The following ITPR2 variants were observed in gnomAD, a reference collection of about 807,000 sequenced individuals.
ITPR2 encodes the protein inositol 1,4,5-trisphosphate-gated calcium channel ITPR2.
ITPR2 carries 207 observed loss-of-function variants against 317.1 expected under a neutral mutation model. The ratio of observed to expected loss-of-function variants is 0.65; its 90% CI spans 0.58 to 0.73. The LOEUF (loss-of-function observed/expected upper bound fraction) is 0.73, where lower values mean the gene tolerates loss of function less well. ITPR2 is among the 30% of genes least tolerant of loss of function. ITPR2 has a pLI of 0.00. For synonymous variants in ITPR2, 1,156 were observed against 1,149.1 expected (o/e 1.01, Z -0.12); for missense variants, 2,613 against 3,284.0 (o/e 0.80, Z 4.99).
intron 47 of ITPR2, among the ~76,000 whole-genome samples, chr12:26,436,584 G>A (rs1243323627): frequency 6.6e-6 from 1 of 152,144 alleles, no homozygotes; most frequent in African/African-American, 2.4e-5. Flanking sequence ...ACTGTAGAAG[G>A]GTGAGGAATT....
intron 10 of ITPR2, among the ~76,000 whole-genome samples, chr12:26,694,172 A>C (rs1364690666): frequency 1.3e-5 from 2 of 152,226 alleles, no homozygotes; most frequent in Non-Finnish European, 2.9e-5. Context: ...AATTTCACAG[A>C]ATGTCATCAG....
At chr12:26,589,851 TATAC>T (rs1451626254) in intron 32 of ITPR2, among the ~76,000 whole-genome samples, 10 of 49,306 alleles carry the variant, frequency 2.0e-4, no homozygotes, top group African/African-American at 6.3e-4. Context: ...TATATATATA[TATAC>T]ACACACACAC....
At chr12:26,446,353 T>C (rs983490996) in intron 45 of ITPR2, among the ~76,000 whole-genome samples, 1 of 152,120 alleles carries the variant, frequency 6.6e-6, no homozygotes, top group Non-Finnish European at 1.5e-5. Flanking sequence ...TACGTAGTTT[T>C]GTTGGGTAAG....
At chr12:26,449,269 A>C (rs1941683016) in intron 45 of ITPR2, among the ~76,000 whole-genome samples, 1 of 152,206 alleles carries the variant, frequency 6.6e-6, no homozygotes, top group South Asian at 2.1e-4. Context: ...CAATTGTATT[A>C]CAATACAATG....
intron 54 of ITPR2, among the ~76,000 whole-genome samples, chr12:26,395,275 G>A (rs1193571540): frequency 6.6e-6 from 1 of 152,056 alleles, no homozygotes; most frequent in Non-Finnish European, 1.5e-5. Context: ...GAGAATAAAA[G>A]GTCAGCGGGA....
At chr12:26,711,316 TG>T (rs1454688189) in intron 8 of ITPR2, 48 bp from the exon 9 acceptor site, 3 of 1,328,608 alleles carry the variant, frequency 2.3e-6, no homozygotes, top group African/African-American at 2.9e-5. Flanking sequence ...TTTATGTTCC[TG>T]GCAAGCAAAC....
At chr12:26,709,632 A>G (rs555392392) in intron 9 of ITPR2, among the ~76,000 whole-genome samples, 2 of 152,362 alleles carry the variant, frequency 1.3e-5, no homozygotes, top group South Asian at 4.1e-4. Flanking sequence ...CATGTACATC[A>G]TGTCAGTTTT....
At chr12:26,772,477 T>TATAA (rs1555189230) in intron 2 of ITPR2, among the ~76,000 whole-genome samples, 1 of 81,876 alleles carries the variant, frequency 1.2e-5, no homozygotes, top group African/African-American at 3.3e-5. Flanking sequence ...GTATTATATA[T>TATAA]AATATATATA....
intron 45 of ITPR2, among the ~76,000 whole-genome samples, chr12:26,455,311 GTC>G (rs1235001934): frequency 7.8e-6 from 1 of 128,468 alleles, no homozygotes; most frequent in East Asian, 2.4e-4. Flanking sequence ...TGCCATTGCT[GTC>G]TCTCTGTTTA....
rs538774904 is a variant in ITPR2 at position 26,710,122 on chromosome 12, TA to T, written c.951+1050del. ...GGTGGTGTGAACCTGTAGTCCCAGC[TA>T]CTCAGGAGGCTGAAGCAAGAGGATT... On this transcript the variant is annotated intron_variant, in intron 9 of 56. Transcript: ENST00000381340. Among the ~76,000 whole-genome samples the T allele has an allele frequency of 2.6e-3, 401 of 152,216 alleles. 1 individual carries two copies. Among genetic ancestry groups the T allele is most frequent in the African/African-American group, 9.3e-3 (387 of 41,514 alleles).
chr12:26,475,139 C>T (rs1942388165), intron 45 of ITPR2, among the ~76,000 whole-genome samples, 157 bp downstream of exon 45: 1 of 152,174 alleles, frequency 6.6e-6, no homozygotes, highest in Non-Finnish European at 1.5e-5. Flanking sequence ...GGTGCATAGT[C>T]AGGCATTCTG....
At position 26,654,225 on chromosome 12, in the gene ITPR2, C is replaced by A. The variant is rs543102751; in HGVS notation, c.2590-99G>T. ...TTGGCTTTTTTATTATCTAAATTAG[C>A]ACAGCAATTTCTAAACTTCCTAATT... is the stretch of plus-strand genomic sequence containing the variant. On this transcript the variant is annotated intron_variant, in intron 20 of 56. Coordinates refer to ENST00000381340, the MANE Select transcript of ITPR2 (RefSeq NM_002223.4). 2.9e-4 allele frequency: 267 copies of A among 926,208 alleles called. No individual in the cohort carries two copies. In the African/African-American group the frequency reaches 4.1e-3, roughly 14 times the overall value. 57.4% of individuals were successfully genotyped at this position (926,208 alleles called of 1,614,324 possible).
intron 37 of ITPR2, among the ~76,000 whole-genome samples, chr12:26,511,132 C>T (rs1019330315): frequency 6.6e-6 from 1 of 152,156 alleles, no homozygotes; most frequent in African/African-American, 2.4e-5. Context: ...CCCTGCAATC[C>T]TTCTTGCTTC....
At position 26,653,493 on chromosome 12, in the gene ITPR2, G is replaced by C. The variant is rs544473137; in HGVS notation, c.2740+483C>G. On this transcript the variant is annotated intron_variant, in intron 21 of 56. Transcript: ENST00000381340. ...CTGACCTCATGATCTGCCCACCTTG[G>C]CCTCCCAAAGTGCTAGGATTACAGG... Among the ~76,000 whole-genome samples the C allele has an allele frequency of 1.1e-3, 161 of 152,198 alleles. 1 individual carries two copies. Among genetic ancestry groups the C allele is most frequent in the Non-Finnish European group, 1.7e-3 (115 of 68,008 alleles).
intron 26 of ITPR2, among the ~76,000 whole-genome samples, chr12:26,605,949 T>C (rs1237208684): frequency 6.6e-6 from 1 of 152,248 alleles, no homozygotes; most frequent in Non-Finnish European, 1.5e-5. Flanking sequence ...AATTAGGTTT[T>C]GTTTTCTAAT....
chr12:26,439,097 A>C, intron 47 of ITPR2, 30 bp downstream of exon 47: 2 of 1,455,020 alleles, frequency 1.4e-6, no homozygotes. Context: ...ACTATGCACA[A>C]AACTAACCAT....
intron 32 of ITPR2, among the ~76,000 whole-genome samples, chr12:26,592,901 T>G (rs971756825): frequency 6.6e-6 from 1 of 152,238 alleles, no homozygotes; most frequent in Non-Finnish European, 1.5e-5. Context: ...TACAATGATA[T>G]GGATGATGTT....
At chr12:26,824,453 C>CA (rs1234693516) in intron 1 of ITPR2, among the ~76,000 whole-genome samples, 1 of 152,038 alleles carries the variant, frequency 6.6e-6, no homozygotes, top group African/African-American at 2.4e-5. Flanking sequence ...CTTAAAATAT[C>CA]AATAATAACC....
At chr12:26,420,127 C>T (rs1418533986) in intron 49 of ITPR2, among the ~76,000 whole-genome samples, 1 of 152,080 alleles carries the variant, frequency 6.6e-6, no homozygotes, top group Non-Finnish European at 1.5e-5. Flanking sequence ...GATGTGTGTG[C>T]ACTGATTTAT....
Sources: allele counts gnomAD v4.1 joint callset (sites outside exome capture counted in the v4.1 genomes callset), GRCh38; gene constraint gnomAD v4.1.1; transcripts MANE v1.5; gene names NCBI Gene and HGNC (gene_info 2026-07-23, HGNC 2026-07-21).